ZNF280D: variants seen among roughly 807,000 people sequenced by gnomAD.
ZNF280D encodes suppressor of hairy wing homolog 4.
A neutral mutation model predicts 94.7 loss-of-function variants in ZNF280D; 39 were observed. That is an observed-to-expected ratio of 0.41 (90% CI 0.32 to 0.54). The LOEUF is 0.54. ZNF280D is among the 20% of genes least tolerant of loss of function. The pLI is 0.22. For synonymous variants in ZNF280D, 398 were observed against 377.6 expected (o/e 1.05, Z -0.63); for missense variants, 1,090 against 1,149.3 (o/e 0.95, Z 0.75).
At chr15:56,654,000 T>C in intron 19 of ZNF280D, 198 bp downstream of exon 19, 1 of 1,435,766 alleles carries the variant, frequency 7.0e-7, no homozygotes, top group Non-Finnish European at 9.1e-7. Flanking sequence ...AACTTTGAAC[T>C]TAGGAAATTC....
intron 17 of ZNF280D, among the ~76,000 whole-genome samples, chr15:56,657,245 T>C (rs1174684538): frequency 6.6e-6 from 1 of 152,146 alleles, no homozygotes; most frequent in Non-Finnish European, 1.5e-5. Context: ...TCAATGCCTT[T>C]AGAAAATTTT....
chr15:56,700,746 G>C, intron 6 of ZNF280D, 187 bp downstream of exon 6: 1 of 1,482,980 alleles, frequency 6.7e-7, no homozygotes, highest in East Asian at 2.5e-5. Context: ...TGGGTAGTTA[G>C]CTCCTTCAGT....
intron 1 of ZNF280D, among the ~76,000 whole-genome samples, chr15:56,709,223 G>T (rs1456657670): frequency 6.6e-6 from 1 of 152,146 alleles, no homozygotes; most frequent in African/African-American, 2.4e-5. Flanking sequence ...CTTCTCAAAA[G>T]AAGACATTTA....
chr15:56,641,279 G>A (rs956651318), intron 20 of ZNF280D, among the ~76,000 whole-genome samples: 1 of 151,914 alleles, frequency 6.6e-6, no homozygotes, highest in Non-Finnish European at 1.5e-5. Context: ...TAAGTGTGTA[G>A]CTTTATATTA....
In ZNF280D at chr15:56,689,938, G is replaced by A. The variant is rs545894926; in HGVS notation, c.500-468C>T. Among the ~76,000 whole-genome samples the A allele has an allele frequency of 1.2e-4, 18 of 152,302 alleles. No homozygotes were observed. The East Asian group carries it at 1.5e-3, about 13-fold the overall frequency. ...TTTTTTCAATTTAACAACTTAAAATGTCTAATGGAAATTTAGTTCTTTCCT... is the reference window on the plus strand; with the variant it reads ...TTTTTTCAATTTAACAACTTAAAATATCTAATGGAAATTTAGTTCTTTCCT... On this transcript the variant is annotated intron_variant, in intron 7 of 21. Transcript: ENST00000267807.
At chr15:56,638,574 A>AT (rs1176356114) in intron 20 of ZNF280D, among the ~76,000 whole-genome samples, 3 of 152,074 alleles carry the variant, frequency 2.0e-5, no homozygotes, top group Non-Finnish European at 2.9e-5. Context: ...TGAGAATCCA[A>AT]TTTTTTTCTA....
intron 1 of ZNF280D, chr15:56,724,869 T>A (rs2058555855): frequency 2.2e-6 from 1 of 454,800 alleles, no homozygotes; most frequent in Non-Finnish European, 4.4e-6. Context: ...AATAACGTTG[T>A]CAGATCTATT....
chr15:56,654,802 G>A (rs1249437204), intron 17 of ZNF280D: 2 of 484,012 alleles, frequency 4.1e-6, no homozygotes, highest in Non-Finnish European at 8.1e-6. Flanking sequence ...ACCAACTTGT[G>A]TAACTTAGGC....
chr15:56,703,396 G>C (rs1181610803), intron 4 of ZNF280D, among the ~76,000 whole-genome samples: 2 of 152,192 alleles, frequency 1.3e-5, no homozygotes, highest in Admixed American at 1.3e-4. Flanking sequence ...TATACATTTT[G>C]TAGCCACGTA....
chr15:56,732,831 A>G (rs2058965472), intron 1 of ZNF280D: 1 of 152,240 alleles, frequency 6.6e-6, no homozygotes, highest in Non-Finnish European at 1.5e-5. Flanking sequence ...CAAAGCTCAG[A>G]AAATTTTGTC....
intron 21 of ZNF280D, among the ~76,000 whole-genome samples, chr15:56,632,987 G>A (rs1216573360): frequency 6.6e-6 from 1 of 151,826 alleles, no homozygotes; most frequent in African/African-American, 2.4e-5. Context: ...ATATATGTGT[G>A]CTTCTGTGTG....
chr15:56,729,262 G>A (rs1281858786), intron 1 of ZNF280D, among the ~76,000 whole-genome samples: 1 of 152,170 alleles, frequency 6.6e-6, no homozygotes, highest in African/African-American at 2.4e-5. Flanking sequence ...CATATAACTT[G>A]TGACAAATTT....
chr15:56,726,022 C>T (rs748836526), intron 1 of ZNF280D, among the ~76,000 whole-genome samples: 5 of 152,058 alleles, frequency 3.3e-5, no homozygotes, highest in South Asian at 2.1e-4. Context: ...CTAAATACAA[C>T]GTTGGCCTGA....
chr15:56,727,361 A>C (rs1403311069), intron 1 of ZNF280D, among the ~76,000 whole-genome samples: 1 of 152,230 alleles, frequency 6.6e-6, no homozygotes, highest in Non-Finnish European at 1.5e-5. Context: ...CGGGAGGCTG[A>C]GGCAGGAGAA....
At chr15:56,699,168 C>A (rs11854254) in intron 6 of ZNF280D, 24,309 of 160,322 alleles carry the variant, frequency 0.15, 2,444 homozygotes, top group Non-Finnish European at 0.23. Context: ...AAATATCGTA[C>A]AAAAGTAACA....
intron 19 of ZNF280D, among the ~76,000 whole-genome samples, chr15:56,646,362 T>C (rs1203447693): frequency 1.3e-5 from 2 of 152,098 alleles, no homozygotes; most frequent in Admixed American, 1.3e-4. Context: ...CCCAGGACTT[T>C]GAGGCTGCAG....
At chr15:56,729,438 T>C (rs1412036055) in intron 1 of ZNF280D, among the ~76,000 whole-genome samples, 1 of 152,160 alleles carries the variant, frequency 6.6e-6, no homozygotes, top group East Asian at 1.9e-4. Context: ...ATTCTTATTG[T>C]CCTAAGGAAA....
chr15:56,673,189 T>G (rs2054983499), intron 13 of ZNF280D, among the ~76,000 whole-genome samples: 1 of 151,936 alleles, frequency 6.6e-6, no homozygotes, highest in South Asian at 2.1e-4. Context: ...CTACGTAACA[T>G]TACTGCTTGA....
chr15:56,729,782 T>C (rs185939832), intron 1 of ZNF280D: 2 of 152,068 alleles, frequency 1.3e-5, no homozygotes, highest in African/African-American at 4.8e-5. Flanking sequence ...TCTGCACAGA[T>C]CTGAAAATGG....
Sources: gnomAD v4.1 joint callset for allele counts (sites outside exome capture counted in the v4.1 genomes callset) on GRCh38, gnomAD v4.1.1 for gene constraint, MANE v1.5 for transcripts, NCBI Gene and HGNC (gene_info 2026-07-23, HGNC 2026-07-21) for gene names.